Variants in CACNA1D observed in about 807,000 individuals in gnomAD.
CACNA1D encodes calcium voltage-gated channel subunit alpha1 D.
A neutral mutation model predicts 257.1 loss-of-function variants in CACNA1D; 55 were observed. The ratio of observed to expected loss-of-function variants is 0.21; its 90% CI spans 0.17 to 0.27. The LOEUF (loss-of-function observed/expected upper bound fraction) is 0.27. Ranked by LOEUF, CACNA1D falls within the 10% of genes least tolerant of loss-of-function variation. The probability of loss-of-function intolerance (pLI) is 1.00; values close to 1 mark genes in which losing one functional copy is unlikely to be tolerated. For synonymous variants in CACNA1D, 980 were observed against 1,014.9 expected (o/e 0.97, Z 0.65); for missense variants, 1,876 against 2,784.0 (o/e 0.67, Z 7.34).
chr3:53,691,060 A>G (rs2094514486), intron 8 of CACNA1D, among the ~76,000 whole-genome samples: 1 of 152,000 alleles, frequency 6.6e-6, no homozygotes, highest in Non-Finnish European at 1.5e-5. Flanking sequence ...ATATGTGATG[A>G]TATTGGTTTG....
chr3:53,649,867 A>G (rs1158717476), intron 3 of CACNA1D, among the ~76,000 whole-genome samples: 1 of 152,228 alleles, frequency 6.6e-6, no homozygotes, highest in Non-Finnish European at 1.5e-5. Context: ...CCATGTTTCT[A>G]TTGAAACTGA....
chr3:53,744,734 C>T lies in CACNA1D; in HGVS notation c.2919-6C>T. 1.3e-6 allele frequency: 2 copies of T among 1,559,436 alleles called. No homozygotes were observed. The highest frequency in any genetic ancestry group is 2.2e-5 in the South Asian group (2 of 90,000). ...TCTGCCTGCCGTCTTTCTGCTCCTT[C>T]CCTAGATCCAGTGCCATCTCCGTTG... is the stretch of plus-strand genomic sequence containing the variant. On this transcript the variant is annotated splice_region_variant and splice_polypyrimidine_tract_variant and intron_variant, in intron 22 of 47. Coordinates refer to ENST00000350061, the MANE Select transcript of CACNA1D (RefSeq NM_001128840.3).
chr3:53,505,782 G>T (rs549217538), intron 3 of CACNA1D, among the ~76,000 whole-genome samples: 7 of 152,164 alleles, frequency 4.6e-5, no homozygotes, highest in Non-Finnish European at 7.4e-5. Context: ...AGGAAATTTT[G>T]TACTCTGGTT....
In CACNA1D at chr3:53,743,059, T is replaced by C. The variant is rs1416352510; in HGVS notation, c.2860T>C (p.Tyr954His). The change falls in exon 22 of 48, where the codon TAC becomes CAC. Residue 954 changes from tyrosine to histidine, a missense_variant. By Grantham distance (83) the Tyr-to-His change is moderately conservative. Transcript: ENST00000350061. ...CCACAAAGGGGCCTTCTGCAGGAAC[T>C]ACTTCAATTTGCTGGATATGCTGGT... ...FLHKGAFCRN[Y>H]FNLLDMLVVG... 2 of 1,613,940 alleles carry C rather than the reference T, an allele frequency of 1.2e-6. No individual in the cohort carries two copies. Among genetic ancestry groups the C allele is most frequent in the Non-Finnish European group, 1.7e-6 (2 of 1,179,906 alleles).
Position 53,718,381 on chromosome 3 carries a change from A to G in CACNA1D, c.1471A>G (p.Ser491Gly), listed in dbSNP as rs769060712. The change falls in exon 10 of 48, where the codon AGT becomes GGT. Residue 491 changes from serine (S) to glycine (G), a missense_variant. Coordinates refer to ENST00000350061, the MANE Select transcript of CACNA1D (RefSeq NM_001128840.3). Reference sequence around the variant, plus strand: ...AGGCGAGAACCGAGGCTGCTGTGGAAGTCTCTGGTGAGTGTGGGGAGCACT... The same window carrying G: ...AGGCGAGAACCGAGGCTGCTGTGGAGGTCTCTGGTGAGTGTGGGGAGCACT... Reference protein sequence around the residue: ...GEGENRGCCGSLCQAISKSKL... With the variant: ...GEGENRGCCGGLCQAISKSKL... The G allele has an allele frequency of 1.2e-6, 2 of 1,613,896 alleles. No homozygotes were observed. The highest frequency in any genetic ancestry group is 1.1e-5 in the South Asian group (1 of 91,068).
intron 21 of CACNA1D, among the ~76,000 whole-genome samples, chr3:53,741,788 G>A (rs899133164): frequency 2.0e-5 from 3 of 152,154 alleles, no homozygotes; most frequent in Admixed American, 6.5e-5. Flanking sequence ...AAGTGAATGG[G>A]GAGCTGTTCT....
At position 53,723,979 on chromosome 3, in the gene CACNA1D, G is replaced by A; in HGVS notation, c.2080G>A (p.Ala694Thr). The A allele has an allele frequency of 6.2e-7, 1 of 1,614,116 alleles. No individual in the cohort carries two copies. Among genetic ancestry groups the A allele is most frequent in the Non-Finnish European group, 8.5e-7 (1 of 1,180,008 alleles). Reference protein sequence around the residue: ...KRSTFDNFPQALLTVFQILTG... With the variant: ...KRSTFDNFPQTLLTVFQILTG... ...GAGCACCTTTGACAATTTCCCTCAA[G>A]CACTTCTCACAGTGTTCCAGGTGAG... The change falls in exon 14 of 48, where the codon GCA becomes ACA. Residue 694 changes from alanine to threonine, a missense_variant. Physicochemically the swap from Ala to Thr is moderately conservative, Grantham distance 58. Transcript: ENST00000350061. The surrounding 1 kb of genome is among the most constrained non-coding windows in gnomAD (Gnocchi z 5.6).
intron 3 of CACNA1D, among the ~76,000 whole-genome samples, chr3:53,583,660 CTATT>C (rs2093168026): frequency 6.6e-6 from 1 of 152,196 alleles, no homozygotes; most frequent in Admixed American, 6.5e-5. Context: ...AATCTGCACT[CTATT>C]TATAATCAAA....
At position 53,554,023 on chromosome 3, in the gene CACNA1D, T is replaced by C. The variant is rs544765443; in HGVS notation, c.483+52303T>C. On this transcript the variant is annotated intron_variant, in intron 3 of 47. Transcript: ENST00000350061. ...CATCCTGGCTAACACAGTGAAACCC[T>C]GTCTCTACTAAAAATACAAAAAATT... Among the ~76,000 whole-genome samples the C allele has an allele frequency of 7.1e-4, 108 of 151,846 alleles. No homozygotes were observed. In the South Asian group the frequency reaches 8.6e-3, roughly 12 times the overall value.
intron 3 of CACNA1D, among the ~76,000 whole-genome samples, chr3:53,517,435 C>T (rs1179154835): frequency 6.6e-6 from 1 of 152,054 alleles, no homozygotes; most frequent in Non-Finnish European, 1.5e-5. Flanking sequence ...CCCTCCTTCC[C>T]TACCCTTCAG....
chr3:53,699,465 G>C (rs1196602266), intron 8 of CACNA1D, among the ~76,000 whole-genome samples: 1 of 152,170 alleles, frequency 6.6e-6, no homozygotes, highest in East Asian at 1.9e-4. Context: ...AGGTATTGTT[G>C]TGTCTGTTTG....
chr3:53,740,435 A>G lies in CACNA1D; in HGVS notation c.2811+96A>G, dbSNP rs558879926. 35 of 846,760 alleles carry G rather than the reference A, an allele frequency of 4.1e-5. 1 individual carries two copies. Among genetic ancestry groups the G allele is most frequent in the Admixed American group, 3.4e-4 (20 of 58,748 alleles). The allele number at this position is 846,760 out of a possible 1,614,324, so 52.5% of individuals were successfully genotyped here. A position where few individuals can be genotyped will look rare whatever the true frequency, so the allele number is the denominator to read the frequency against. On this transcript the variant is annotated intron_variant, in intron 21 of 47. Coordinates refer to ENST00000350061, the MANE Select transcript of CACNA1D (RefSeq NM_001128840.3). ...GCCTTCCAGATGCTAGGTTACGCAGACTATGTCTTCACTGGTACTTTTGCA... is the reference window on the plus strand; with the variant it reads ...GCCTTCCAGATGCTAGGTTACGCAGGCTATGTCTTCACTGGTACTTTTGCA...
rs183667438 is a variant in CACNA1D, at chr3:53,666,322, G to C, written c.920-17G>C. 23 of 1,611,962 alleles carry C rather than the reference G, an allele frequency of 1.4e-5. No homozygotes were observed. The Middle Eastern group carries it at 7.4e-4, about 52-fold the overall frequency. Reference sequence around the variant, plus strand: ...GTTTCTGTCCTGAGCGGTACAGCCTGTTTGCTCTGTTTGCAGATATCGTAG... The same window carrying C: ...GTTTCTGTCCTGAGCGGTACAGCCTCTTTGCTCTGTTTGCAGATATCGTAG... On this transcript the variant is annotated splice_polypyrimidine_tract_variant and intron_variant, in intron 6 of 47. Transcript: ENST00000350061.
At position 53,650,668 on chromosome 3, in the gene CACNA1D, G is replaced by A. The variant is rs776594764; in HGVS notation, c.484-111G>A. ...TTCTCATAATGAAACTTTGTTTGGA[G>A]GGAAATGCTTATATGTCTAAGGTGT... On this transcript the variant is annotated intron_variant, in intron 3 of 47. Coordinates refer to ENST00000350061, the MANE Select transcript of CACNA1D (RefSeq NM_001128840.3). The A allele has an allele frequency of 2.5e-4, 287 of 1,132,032 alleles. 1 individual carries two copies. Among genetic ancestry groups the A allele is most frequent in the Non-Finnish European group, 3.6e-4 (273 of 759,210 alleles). 70.1% of individuals were successfully genotyped at this position (1,132,032 alleles called of 1,614,324 possible).
chr3:53,755,164 A>AGAACATC (rs2095255310), intron 29 of CACNA1D, among the ~76,000 whole-genome samples: 1 of 152,236 alleles, frequency 6.6e-6, no homozygotes, highest in African/African-American at 2.4e-5. Context: ...TTGCAAAGTA[A>AGAACATC]GAACATCGAA....
At chr3:53,516,739 A>T (rs1007092710) in intron 3 of CACNA1D, among the ~76,000 whole-genome samples, 3 of 152,212 alleles carry the variant, frequency 2.0e-5, no homozygotes, top group Non-Finnish European at 2.9e-5. Flanking sequence ...GATTGCAGGC[A>T]CCAGGCCCAG....
At chr3:53,806,187 C>G (rs1200351228) in intron 45 of CACNA1D, among the ~76,000 whole-genome samples, 13 of 47,914 alleles carry the variant, frequency 2.7e-4, no homozygotes, top group African/African-American at 5.4e-4. Flanking sequence ...CCCTCCTCCT[C>G]CCTCCTCCCT....
rs1218622364 is a variant in CACNA1D at position 53,811,608 on chromosome 3, C to A, written c.*202C>A. 1 of 510,458 alleles carries A rather than the reference C, an allele frequency of 2.0e-6. No homozygotes were observed. The highest frequency in any genetic ancestry group is 3.1e-5 in the South Asian group (1 of 32,170). 31.6% of individuals were successfully genotyped at this position (510,458 alleles called of 1,614,324 possible). On this transcript the variant is annotated 3_prime_UTR_variant, in exon 48 of 48. Coordinates refer to ENST00000350061, the MANE Select transcript of CACNA1D (RefSeq NM_001128840.3). The surrounding 1 kb of genome is among the most constrained non-coding windows in gnomAD (Gnocchi z 4.2). Reference sequence around the variant, plus strand: ...CCAAGCGGTTGAGCCTGGCAGAGTACCATGCGCTCGGCCCCAGCTGCAGGA... The same window carrying A: ...CCAAGCGGTTGAGCCTGGCAGAGTAACATGCGCTCGGCCCCAGCTGCAGGA...
chr3:53,497,140 C>G lies in CACNA1D; in HGVS notation c.68-12C>G. On this transcript the variant is annotated splice_polypyrimidine_tract_variant and intron_variant, in intron 1 of 47. Coordinates refer to ENST00000350061, the MANE Select transcript of CACNA1D (RefSeq NM_001128840.3). Reference sequence around the variant, plus strand: ...TAAAAAAAAAAATCTTTGTTTTTCTCCTTCTCCCCAGAGGCAAACTATGCA... The same window carrying G: ...TAAAAAAAAAAATCTTTGTTTTTCTGCTTCTCCCCAGAGGCAAACTATGCA... 1.2e-6 allele frequency: 2 copies of G among 1,612,256 alleles called. No individual in the cohort carries two copies. The highest frequency in any genetic ancestry group is 1.1e-5 in the South Asian group (1 of 90,734).
Sources: gnomAD v4.1 joint callset for allele counts (sites outside exome capture counted in the v4.1 genomes callset) on GRCh38, gnomAD v4.1.1 for gene constraint, Gnocchi (gnomAD v3.1) non-coding constraint, MANE v1.5 for transcripts, NCBI Gene and HGNC (gene_info 2026-07-23, HGNC 2026-07-21) for gene names.